CUX1: variants seen among roughly 807,000 people sequenced by gnomAD.
CUX1 encodes the protein cut like homeobox 1.
A neutral mutation model predicts 158.8 loss-of-function variants in CUX1; 31 were observed. The observed-to-expected ratio is 0.20, with a 90% confidence interval of 0.15 to 0.26. The LOEUF (loss-of-function observed/expected upper bound fraction) is 0.26, where lower values mean the gene tolerates loss of function less well. Among genes scored for constraint, CUX1 ranks in the 10% least tolerant of loss-of-function variants. CUX1 has a pLI of 1.00. For missense variants in CUX1, 1,589 were observed against 2,014.6 expected (o/e 0.79, Z 4.04); for synonymous variants, 879 against 862.1 (o/e 1.02, Z -0.34).
intron 1 of CUX1, among the ~76,000 whole-genome samples, chr7:101,845,294 G>A (rs934909425): frequency 6.6e-6 from 1 of 152,198 alleles, no homozygotes; most frequent in South Asian, 2.1e-4. Context: ...CCTGTTCTCT[G>A]TATCTCTTAA....
At chr7:101,906,426 G>A (rs1802763737) in intron 1 of CUX1, among the ~76,000 whole-genome samples, 1 of 151,796 alleles carries the variant, frequency 6.6e-6, no homozygotes, top group African/African-American at 2.4e-5. Flanking sequence ...GGAACAGCCT[G>A]TGGCGAGGTC....
rs200391364 is a variant in CUX1, at chr7:102,201,922, G to T, written c.2625G>T (p.Ser875=). Reference sequence around the variant, plus strand: ...GCAGTCAGCTCCAGGGACCCTCGTCGTCAGAGTACTGGAAGGAGTGGCCCA... The same window carrying T: ...GCAGTCAGCTCCAGGGACCCTCGTCTTCAGAGTACTGGAAGGAGTGGCCCA... ...AERSQLQGPS[S]SEYWKEWPSA... Residue 875 remains serine, a synonymous_variant, in exon 18 of 24, where the codon TCG becomes TCT. Transcript: ENST00000292535. This position sits in a 1 kb window ranked among gnomAD's most constrained non-coding sequence, Gnocchi z 5.0. The T allele has an allele frequency of 6.2e-7, 1 of 1,614,066 alleles. No individual in the cohort carries two copies. Among genetic ancestry groups the T allele is most frequent in the Non-Finnish European group, 8.5e-7 (1 of 1,180,032 alleles).
At chr7:101,958,484 T>C (rs867082546) in intron 2 of CUX1, among the ~76,000 whole-genome samples, 22 of 135,144 alleles carry the variant, frequency 1.6e-4, no homozygotes, top group African/African-American at 5.9e-4. Flanking sequence ...CTTTTCTTTT[T>C]TTTTTTTTTT....
chr7:102,239,371 C>T lies in CUX1; in HGVS notation c.3674C>T (p.Pro1225Leu), dbSNP rs921772468. The change falls in exon 23 of 24, where the codon CCG becomes CTG. Residue 1225 changes from proline to leucine, a missense_variant. Physicochemically the swap from Pro to Leu is moderately conservative, Grantham distance 98. Transcript: ENST00000292535. ...SSVSDSQPCE[P>L]PSVGTEYSQG... ...GTCAGTGACAGCCAGCCCTGCGAACCGCCCTCTGTCGGCACCGAGTACAGC... is the reference window on the plus strand; with the variant it reads ...GTCAGTGACAGCCAGCCCTGCGAACTGCCCTCTGTCGGCACCGAGTACAGC... 4.3e-6 allele frequency: 7 copies of T among 1,612,622 alleles called. No individual in the cohort carries two copies. Among genetic ancestry groups the T allele is most frequent in the East Asian group, 4.5e-5 (2 of 44,848 alleles).
Position 102,252,453 on chromosome 7 carries a change from G to T in CUX1, c.*3411G>T. 2.0e-6 allele frequency: 2 copies of T among 985,452 alleles called. No individual in the cohort carries two copies. The highest frequency in any genetic ancestry group is 2.4e-6 in the Non-Finnish European group (2 of 829,944). The allele number at this position is 985,452 out of a possible 1,614,324, so 61.0% of individuals were successfully genotyped here. On this transcript the variant is annotated 3_prime_UTR_variant, in exon 24 of 24. Transcript: ENST00000292535. ...TTGTACCTCTCCCCTGGGGGAAACG[G>T]TTCCATATAAAACACTAACACTTAA...
intron 2 of CUX1, among the ~76,000 whole-genome samples, chr7:101,967,960 G>A (rs1811438475): frequency 6.6e-6 from 1 of 152,104 alleles, no homozygotes; most frequent in South Asian, 2.1e-4. Context: ...CTGGAATGCA[G>A]TAGTGTGATC....
Position 102,111,783 on chromosome 7 carries a change from C to G in CUX1, c.607+9C>G. 6.2e-7 allele frequency: 1 copy of G among 1,612,352 alleles called. No homozygotes were observed. The highest frequency in any genetic ancestry group is 8.5e-7 in the Non-Finnish European group (1 of 1,178,396). The stretch of plus-strand genomic sequence containing the variant: ...TCAGAGCCTACAAACAGGTTTGATA[C>G]TCTCCTTCCTAGTACCATGGATGTG... On this transcript the variant is annotated intron_variant, in intron 7 of 23. Transcript: ENST00000292535.
chr7:102,068,437 A>G (rs1367830738), intron 3 of CUX1, among the ~76,000 whole-genome samples: 1 of 54,252 alleles, frequency 1.8e-5, no homozygotes, highest in African/African-American at 1.2e-4. Context: ...GCCTTATCTT[A>G]TCGGGTTGAG....
chr7:101,901,565 G>C (rs1017337402), intron 1 of CUX1, among the ~76,000 whole-genome samples: 2 of 152,128 alleles, frequency 1.3e-5, no homozygotes, highest in African/African-American at 4.8e-5. Flanking sequence ...AAAGTGCGGG[G>C]GTTACAGGTG....
At chr7:102,242,706 G>A (rs1375390574) in intron 23 of CUX1, among the ~76,000 whole-genome samples, 4 of 152,176 alleles carry the variant, frequency 2.6e-5, no homozygotes, top group South Asian at 2.1e-4. Context: ...CTGGAGCCAC[G>A]TTTGTTTCCC....
At chr7:101,969,359 C>CAAAAAAAAAAAAAAAAAAAAAAAAGA (rs1811650982) in intron 2 of CUX1, among the ~76,000 whole-genome samples, 4 of 56,106 alleles carry the variant, frequency 7.1e-5, no homozygotes, top group East Asian at 7.0e-4. Context: ...CAAAAAACAG[C>CAAAAAAAAAAAAAAAAAAAAAAAAGA]AAAAAAAAAA....
chr7:101,992,749 G>A (rs550723193), intron 2 of CUX1, among the ~76,000 whole-genome samples: 1 of 152,302 alleles, frequency 6.6e-6, no homozygotes, highest in East Asian at 1.9e-4. Flanking sequence ...AATTTGGGGT[G>A]TGAGGCCACC....
rs67147187 is a variant in CUX1 at position 102,021,614 on chromosome 7, CTTTT to C, written c.142-6465_142-6462del. On this transcript the variant is annotated intron_variant, in intron 2 of 23. Coordinates refer to ENST00000292535, the MANE Select transcript of CUX1 (RefSeq NM_181552.4). ...TGAGCTACCAGATACTTTTTTTTCT[CTTTT>C]TTTTTTTTTTTTTTTTTTGGATGGA... Among the ~76,000 whole-genome samples, 816 of 109,266 alleles carry C rather than the reference CTTTT, an allele frequency of 7.5e-3. 13 individuals are homozygous for C. Among genetic ancestry groups the C allele is most frequent in the East Asian group, 0.014 (61 of 4,236 alleles). 71.7% of individuals were successfully genotyped at this position (109,266 alleles called of 152,430 possible).
chr7:101,828,891 C>A (rs1793679569), intron 1 of CUX1, among the ~76,000 whole-genome samples: 1 of 142,562 alleles, frequency 7.0e-6, no homozygotes, highest in Non-Finnish European at 1.5e-5. Flanking sequence ...TCTGCAGGGA[C>A]AGGGTGGAGG....
chr7:102,189,982 C>T (rs1563377381), intron 12 of CUX1, 111 bp downstream of exon 12: 2 of 1,116,986 alleles, frequency 1.8e-6, no homozygotes, highest in Non-Finnish European at 2.6e-6. Flanking sequence ...TCTGGCTCAG[C>T]AGATGCCCGT....
intron 2 of CUX1, among the ~76,000 whole-genome samples, chr7:102,019,241 T>C (rs1306319193): frequency 1.3e-5 from 2 of 152,102 alleles, no homozygotes; most frequent in Non-Finnish European, 2.9e-5. Context: ...GTTTGTTTGT[T>C]TTTTGAGACA....
At chr7:101,993,006 G>A (rs989745116) in intron 2 of CUX1, among the ~76,000 whole-genome samples, 1 of 152,110 alleles carries the variant, frequency 6.6e-6, no homozygotes, top group Non-Finnish European at 1.5e-5. Flanking sequence ...GGTGGCCTGG[G>A]CGGGAGGGTC....
chr7:102,201,541 C>T lies in CUX1; in HGVS notation c.2244C>T (p.Thr748=). 3 of 1,614,162 alleles carry T rather than the reference C, an allele frequency of 1.9e-6. No individual in the cohort carries two copies. The highest frequency in any genetic ancestry group is 2.5e-6 in the Non-Finnish European group (3 of 1,180,018). ...ITILTPKLLS[T]SPMPTVSSYP... Reference sequence around the variant, plus strand: ...TCCTCACCCCCAAGCTTCTGTCCACCTCGCCCATGCCCACCGTGTCCAGCT... The same window carrying T: ...TCCTCACCCCCAAGCTTCTGTCCACTTCGCCCATGCCCACCGTGTCCAGCT... The change falls in exon 18 of 24, where the codon ACC becomes ACT. Residue 748 remains threonine (T), a synonymous_variant. Coordinates refer to ENST00000292535, the MANE Select transcript of CUX1 (RefSeq NM_181552.4). The surrounding 1 kb of genome is among the most constrained non-coding windows in gnomAD (Gnocchi z 5.0).
At chr7:101,822,423 G>A (rs1287379805) in intron 1 of CUX1, 1 of 152,320 alleles carries the variant, frequency 6.6e-6, no homozygotes, top group African/African-American at 2.4e-5. Context: ...AGTGGTCTTT[G>A]GCGGGGATGG....
Sources: allele counts gnomAD v4.1 joint callset (sites outside exome capture counted in the v4.1 genomes callset), GRCh38; gene constraint gnomAD v4.1.1; non-coding constraint Gnocchi (gnomAD v3.1); transcripts MANE v1.5; gene names NCBI Gene and HGNC (gene_info 2026-07-23, HGNC 2026-07-21).